The following DCC variants were observed in gnomAD, a reference collection of about 807,000 sequenced individuals.
DCC encodes DCC netrin 1 receptor, also known as netrin receptor DCC.
DCC carries 58 observed loss-of-function variants against 172.5 expected under a neutral mutation model. The ratio of observed to expected loss-of-function variants is 0.34; its 90% confidence interval spans 0.27 to 0.42. The LOEUF (loss-of-function observed/expected upper bound fraction) is 0.42. Among genes scored for constraint, DCC ranks in the 10% least tolerant of loss-of-function variants. The pLI, the probability that DCC is intolerant of heterozygous loss-of-function variation, is 1.00. For synonymous variants in DCC, 709 were observed against 644.5 expected (o/e 1.10, Z -1.52); for missense variants, 1,740 against 1,791.0 (o/e 0.97, Z 0.51).
chr18:52,775,085 C>G (rs562809994), intron 2 of DCC, among the ~76,000 whole-genome samples: 1 of 152,270 alleles, frequency 6.6e-6, no homozygotes, highest in South Asian at 2.1e-4. Context: ...GGAGGAAAGG[C>G]AGACCTGACA....
intron 27 of DCC, among the ~76,000 whole-genome samples, chr18:53,506,984 C>A (rs1436554618): frequency 1.3e-5 from 2 of 152,108 alleles, no homozygotes; most frequent in Non-Finnish European, 2.9e-5. Context: ...CTTTTCTCAT[C>A]TGTGAAATCA....
At chr18:52,967,605 C>G (rs1435602604) in intron 5 of DCC, among the ~76,000 whole-genome samples, 2 of 152,146 alleles carry the variant, frequency 1.3e-5, no homozygotes, top group East Asian at 1.9e-4. Context: ...GTGTCTGTCT[C>G]TCTCTTCAAG....
chr18:52,805,768 G>C (rs1225397463), intron 2 of DCC, among the ~76,000 whole-genome samples: 3 of 152,218 alleles, frequency 2.0e-5, no homozygotes, highest in Admixed American at 6.5e-5. Context: ...GGGAATTCAA[G>C]AATGTAAGCC....
chr18:53,202,903 G>C (rs2055562868), intron 9 of DCC, among the ~76,000 whole-genome samples: 1 of 152,144 alleles, frequency 6.6e-6, no homozygotes, highest in Admixed American at 6.6e-5. Context: ...TCAGTTGCCT[G>C]AAAGTCAATG....
chr18:52,690,119 G>A (rs558542999), intron 1 of DCC, among the ~76,000 whole-genome samples: 207 of 152,274 alleles, frequency 1.4e-3, no homozygotes, highest in Middle Eastern at 3.4e-3. Flanking sequence ...GAGAGACCAT[G>A]AGGGAGAAGT....
In DCC at chr18:52,923,785, T is replaced by A; in HGVS notation, c.776T>A (p.Leu259Gln). ...VVAIEGKDAVLECCVSGYPPP... is the reference protein window; with the variant it reads ...VVAIEGKDAVQECCVSGYPPP... ...GCCATTGAAGGAAAAGATGCTGTCC[T>A]GGAATGTTGTGTTTCTGGCTATCCT... Residue 259 changes from leucine (L) to glutamine (Q), a missense_variant, in exon 4 of 29, where the codon CTG becomes CAG. Leu to Gln is a moderately radical substitution (Grantham distance 113). Transcript: ENST00000442544. The A allele has an allele frequency of 1.2e-6, 2 of 1,612,904 alleles. No homozygotes were observed. The highest frequency in any genetic ancestry group is 1.1e-5 in the South Asian group (1 of 91,062).
chr18:53,302,829 A>C lies in DCC; in HGVS notation c.1912-2749A>C, dbSNP rs905443685. Among the ~76,000 whole-genome samples the C allele has an allele frequency of 1.3e-4, 20 of 152,204 alleles. No homozygotes were observed. The East Asian group carries it at 3.3e-3, about 25-fold the overall frequency. ...TGTTGAGAAATCTGATGCCATTCTT[A>C]CTGTTGATCATGTTTTATGTGACCT... is the stretch of plus-strand genomic sequence containing the variant. On this transcript the variant is annotated intron_variant, in intron 12 of 28. Coordinates refer to ENST00000442544, the MANE Select transcript of DCC (RefSeq NM_005215.4).
rs182519752 is a variant in DCC at position 53,180,200 on chromosome 18, G to A, written c.1573+1084G>A. On this transcript the variant is annotated intron_variant, in intron 9 of 28. Transcript: ENST00000442544. ...ATACAGTCTGAGTGCACTTTCCACA[G>A]AATCTCCATCCTTTCTTTCATTTGG... 2.4e-3 allele frequency among the ~76,000 whole-genome samples: 368 copies of A among 152,250 alleles called. 1 individual carries two copies. Among genetic ancestry groups the A allele is most frequent in the South Asian group, 0.01 (49 of 4,830 alleles).
At chr18:53,394,232 A>G (rs1022557024) in intron 17 of DCC, among the ~76,000 whole-genome samples, 3 of 152,128 alleles carry the variant, frequency 2.0e-5, no homozygotes, top group Admixed American at 2.0e-4. Context: ...TTTCTCATCT[A>G]TATGATGGAA....
At chr18:52,845,623 G>A (rs1568141240) in intron 2 of DCC, among the ~76,000 whole-genome samples, 2 of 152,134 alleles carry the variant, frequency 1.3e-5, no homozygotes, top group East Asian at 1.9e-4. Flanking sequence ...CAAGTTCAAG[G>A]TACCATGTAA....
chr18:53,003,900 C>T (rs1349964069), intron 5 of DCC, among the ~76,000 whole-genome samples: 1 of 152,016 alleles, frequency 6.6e-6, no homozygotes, highest in African/African-American at 2.4e-5. Flanking sequence ...TTGTGACAGT[C>T]AAAGGTCTAC....
chr18:52,342,853 A>G (rs1197927784), intron 1 of DCC, among the ~76,000 whole-genome samples: 2 of 149,546 alleles, frequency 1.3e-5, no homozygotes, highest in Non-Finnish European at 2.9e-5. Context: ...CGTTTTATTA[A>G]TGTCTAAATT....
At chr18:52,929,075 G>T (rs1168004300) in intron 5 of DCC, among the ~76,000 whole-genome samples, 1 of 152,116 alleles carries the variant, frequency 6.6e-6, no homozygotes, top group African/African-American at 2.4e-5. Flanking sequence ...GGGTACTGGG[G>T]AGTGGTGAGG....
At chr18:52,642,029 T>C (rs1277763458) in intron 1 of DCC, among the ~76,000 whole-genome samples, 1 of 9,304 alleles carries the variant, frequency 1.1e-4, no homozygotes, top group East Asian at 3.7e-3. Flanking sequence ...TATATATATA[T>C]ATATATATAT....
At chr18:52,856,828 T>C (rs2039064029) in intron 2 of DCC, among the ~76,000 whole-genome samples, 1 of 152,148 alleles carries the variant, frequency 6.6e-6, no homozygotes, top group Non-Finnish European at 1.5e-5. Context: ...TGCATGACTC[T>C]AAAACATGCT....
At chr18:53,100,829 TG>T (rs1391548847) in intron 7 of DCC, among the ~76,000 whole-genome samples, 2 of 151,634 alleles carry the variant, frequency 1.3e-5, no homozygotes, top group Admixed American at 1.3e-4. Context: ...GCAAAAAAAA[TG>T]GGCAGAGGAA....
chr18:52,757,918 T>A (rs1384255900), intron 2 of DCC, among the ~76,000 whole-genome samples: 1 of 152,192 alleles, frequency 6.6e-6, no homozygotes, highest in Non-Finnish European at 1.5e-5. Context: ...CTTATCACTT[T>A]GCTTCTCAAT....
intron 5 of DCC, among the ~76,000 whole-genome samples, chr18:52,954,108 T>A (rs2040702682): frequency 6.6e-6 from 1 of 152,336 alleles, no homozygotes; most frequent in East Asian, 1.9e-4. Context: ...TCAACTTCCC[T>A]TTCATTAAAA....
intron 22 of DCC, among the ~76,000 whole-genome samples, chr18:53,438,259 T>A (rs898288426): frequency 1.3e-5 from 2 of 152,114 alleles, no homozygotes; most frequent in African/African-American, 4.8e-5. Context: ...TTGGTATGGA[T>A]GAATGAGAGA....
Sources: gnomAD v4.1 joint callset for allele counts (sites outside exome capture counted in the v4.1 genomes callset) on GRCh38, gnomAD v4.1.1 for gene constraint, MANE v1.5 for transcripts, NCBI Gene and HGNC (gene_info 2026-07-23, HGNC 2026-07-21) for gene names.